Variants in CDH8 observed in about 807,000 individuals in gnomAD.
CDH8 encodes the protein cadherin-8.
CDH8 carries 17 observed loss-of-function variants against 68.1 expected under a neutral mutation model. The ratio of observed to expected loss-of-function variants is 0.25; its 90% CI spans 0.17 to 0.37. The LOEUF (loss-of-function observed/expected upper bound fraction) is 0.37. CDH8 is among the 10% of genes least tolerant of loss of function. The probability of loss-of-function intolerance (pLI) is 1.00; values close to 1 mark genes in which losing one functional copy is unlikely to be tolerated. For synonymous variants in CDH8, 372 were observed against 365.1 expected (o/e 1.02, Z -0.21); for missense variants, 763 against 999.3 (o/e 0.76, Z 3.19).
intron 2 of CDH8, among the ~76,000 whole-genome samples, chr16:61,939,298 A>T (rs2143526458): frequency 6.6e-6 from 1 of 152,346 alleles, no homozygotes; most frequent in African/African-American, 2.4e-5. Context: ...TGAATTGGAA[A>T]AAACTTCATT....
At chr16:61,876,080 T>A (rs1963453684) in intron 3 of CDH8, among the ~76,000 whole-genome samples, 1 of 152,106 alleles carries the variant, frequency 6.6e-6, no homozygotes, top group Non-Finnish European at 1.5e-5. Flanking sequence ...TTTCACCATG[T>A]TGGCCAGGAT....
At chr16:61,875,084 A>G (rs1963436662) in intron 3 of CDH8, among the ~76,000 whole-genome samples, 5 of 152,222 alleles carry the variant, frequency 3.3e-5, no homozygotes, top group Admixed American at 3.3e-4. Flanking sequence ...TCACAGGGAG[A>G]AGCAGACAAT....
intron 4 of CDH8, among the ~76,000 whole-genome samples, chr16:61,854,121 TATACAC>T (rs897240221): frequency 3.1e-5 from 4 of 128,500 alleles, no homozygotes; most frequent in Admixed American, 1.4e-4. Context: ...CATGCACACA[TATACAC>T]ATACACACAC....
chr16:61,959,984 G>GTGTGTA (rs1385952323), intron 2 of CDH8, among the ~76,000 whole-genome samples: 3 of 44,556 alleles, frequency 6.7e-5, no homozygotes, highest in Admixed American at 2.3e-4. Flanking sequence ...GTGTGTGTGT[G>GTGTGTA]TATATATATA....
intron 2 of CDH8, among the ~76,000 whole-genome samples, chr16:62,003,147 T>C (rs529049997): frequency 3.3e-5 from 5 of 152,162 alleles, no homozygotes; most frequent in Non-Finnish European, 7.4e-5. Context: ...AGTAAGCATG[T>C]GTGTGTATCT....
intron 2 of CDH8, among the ~76,000 whole-genome samples, chr16:61,976,940 G>A (rs188601628): frequency 8.5e-5 from 13 of 152,214 alleles, no homozygotes; most frequent in East Asian, 7.7e-4. Flanking sequence ...AAAACAGTGC[G>A]GAATGCAGAC....
chr16:61,981,338 T>C (rs76093009), intron 2 of CDH8, among the ~76,000 whole-genome samples: 1 of 152,218 alleles, frequency 6.6e-6, no homozygotes, highest in Admixed American at 6.5e-5. Flanking sequence ...ATCATTTTTT[T>C]ATCACCATAA....
chr16:61,917,497 T>A (rs1964260894), intron 2 of CDH8, among the ~76,000 whole-genome samples: 2 of 152,104 alleles, frequency 1.3e-5, no homozygotes, highest in South Asian at 4.1e-4. Flanking sequence ...CTGGGGTCCC[T>A]TGGTAGCAGT....
chr16:61,904,835 G>T (rs759989132), intron 2 of CDH8, among the ~76,000 whole-genome samples: 3 of 152,016 alleles, frequency 2.0e-5, no homozygotes, highest in Non-Finnish European at 4.4e-5. Context: ...TGCTCTTCAC[G>T]TAAGGGTGTT....
At chr16:61,799,029 T>C (rs559245902) in intron 7 of CDH8, among the ~76,000 whole-genome samples, 1 of 152,158 alleles carries the variant, frequency 6.6e-6, no homozygotes, top group African/African-American at 2.4e-5. Context: ...TTAGGAGTTG[T>C]GAGGATAAAC....
At chr16:61,696,099 C>T (rs974562240) in intron 10 of CDH8, among the ~76,000 whole-genome samples, 9 of 152,146 alleles carry the variant, frequency 5.9e-5, no homozygotes, top group African/African-American at 1.7e-4. Context: ...AACTACAATT[C>T]GTAACTTTCT....
At chr16:61,892,187 T>C (rs2143199393) in intron 3 of CDH8, among the ~76,000 whole-genome samples, 1 of 152,318 alleles carries the variant, frequency 6.6e-6, no homozygotes, top group Middle Eastern at 3.4e-3. Flanking sequence ...TAATTTACAA[T>C]TCACTTTTTA....
chr16:61,950,724 C>T (rs1376359927), intron 2 of CDH8, among the ~76,000 whole-genome samples: 1 of 152,038 alleles, frequency 6.6e-6, no homozygotes, highest in African/African-American at 2.4e-5. Context: ...AAAAAAAGAA[C>T]AAAATCATGT....
At chr16:61,881,546 G>A (rs143745700) in intron 3 of CDH8, among the ~76,000 whole-genome samples, 122 of 152,206 alleles carry the variant, frequency 8.0e-4, no homozygotes, top group African/African-American at 2.7e-3. Flanking sequence ...AAGAAGATGC[G>A]CACTGATGTT....
intron 2 of CDH8, among the ~76,000 whole-genome samples, chr16:61,958,016 G>A (rs1597089689): frequency 6.6e-6 from 1 of 152,290 alleles, no homozygotes; most frequent in South Asian, 2.1e-4. Flanking sequence ...ATATAAATGT[G>A]CATTGGCTAT....
rs1261506724 is a variant in CDH8, at chr16:61,647,952, G to A, written c.*5656C>T. 1.2e-5 allele frequency: 8 copies of A among 662,190 alleles called. No homozygotes were observed. The highest frequency in any genetic ancestry group is 1.8e-5 in the African/African-American group (1 of 55,108). The allele number at this position is 662,190 out of a possible 1,614,324, so 41.0% of individuals were successfully genotyped here. A position where few individuals can be genotyped will look rare whatever the true frequency, so the allele number is the denominator to read the frequency against. On this transcript the variant is annotated 3_prime_UTR_variant, in exon 12 of 12. Transcript: ENST00000577390. ...GGGATACTTGCAAGAAATAATACTT[G>A]CATTCAAGATGTGAATTAGATGGTG...
intron 8 of CDH8, among the ~76,000 whole-genome samples, chr16:61,764,998 A>G (rs1227392492): frequency 6.6e-6 from 1 of 152,040 alleles, no homozygotes; most frequent in Admixed American, 6.6e-5. Context: ...TACCTCAGAG[A>G]GATGTTTCAA....
intron 10 of CDH8, among the ~76,000 whole-genome samples, chr16:61,664,936 C>A (rs531960201): frequency 6.6e-6 from 1 of 152,132 alleles, no homozygotes; most frequent in African/African-American, 2.4e-5. Context: ...AAGGGATATT[C>A]TTTCACACAA....
chr16:61,673,763 TA>T (rs1963841620), intron 10 of CDH8, among the ~76,000 whole-genome samples: 3 of 152,094 alleles, frequency 2.0e-5, no homozygotes, highest in African/African-American at 7.2e-5. Context: ...AACTCTCAAG[TA>T]AAGCCCAAAC....
Sources: allele counts gnomAD v4.1 joint callset (sites outside exome capture counted in the v4.1 genomes callset), GRCh38; gene constraint gnomAD v4.1.1; transcripts MANE v1.5; gene names NCBI Gene and HGNC (gene_info 2026-07-23, HGNC 2026-07-21).